The following CNTN4 variants were observed in gnomAD, a reference collection of about 807,000 sequenced individuals.
CNTN4 encodes contactin 4.
A neutral mutation model predicts 122.5 loss-of-function variants in CNTN4; 77 were observed. That is an observed-to-expected ratio of 0.63 (90% CI 0.52 to 0.76). CNTN4 has a LOEUF of 0.76. Ranked by LOEUF, CNTN4 falls within the 30% of genes least tolerant of loss-of-function variation. CNTN4 has a pLI of 0.00. For missense variants in CNTN4, 1,256 were observed against 1,259.1 expected (o/e 1.00, Z 0.04); for synonymous variants, 512 against 447.0 (o/e 1.15, Z -1.83).
intron 4 of CNTN4, among the ~76,000 whole-genome samples, chr3:2,680,739 G>T (rs1181892673): frequency 6.6e-6 from 1 of 152,094 alleles, no homozygotes; most frequent in Non-Finnish European, 1.5e-5. Context: ...TGCTTGGATT[G>T]CAGTGTATAT....
chr3:2,961,534 T>C (rs569495085), intron 13 of CNTN4, among the ~76,000 whole-genome samples: 1 of 152,156 alleles, frequency 6.6e-6, no homozygotes, highest in Admixed American at 6.5e-5. Flanking sequence ...CTTGAGAGCA[T>C]ACCTTACATA....
intron 3 of CNTN4, among the ~76,000 whole-genome samples, chr3:2,469,764 C>G (rs1169164782): frequency 6.6e-6 from 1 of 152,188 alleles, no homozygotes; most frequent in Admixed American, 6.5e-5. Flanking sequence ...GTGATGGGCT[C>G]AGTATAAAAA....
intron 13 of CNTN4, among the ~76,000 whole-genome samples, chr3:2,986,236 T>C (rs1577512349): frequency 1.3e-5 from 2 of 152,160 alleles, no homozygotes; most frequent in East Asian, 3.9e-4. Flanking sequence ...ATTTTAAAGA[T>C]GAAAGAGAAC....
intron 4 of CNTN4, among the ~76,000 whole-genome samples, chr3:2,695,667 G>A (rs2085989297): frequency 6.6e-6 from 1 of 152,168 alleles, no homozygotes; most frequent in South Asian, 2.1e-4. Context: ...TTGTCCTAAA[G>A]TATATACATG....
In CNTN4 at chr3:2,729,984, A is replaced by G. The variant is rs559860254; in HGVS notation, c.56-6231A>G. Among the ~76,000 whole-genome samples the G allele has an allele frequency of 1.2e-4, 19 of 152,316 alleles. No homozygotes were observed. In the South Asian group the frequency reaches 3.9e-3, roughly 32 times the overall value. On this transcript the variant is annotated intron_variant, in intron 4 of 24. Coordinates refer to ENST00000418658, the MANE Select transcript of CNTN4 (RefSeq NM_175607.3). ...ATGCTTGCTCAAATGCTGTTTTCTG[A>G]GTCCTGATAATTAGAATCCAGTAGG...
rs5017184 is a variant in CNTN4, at chr3:2,170,305, C to A, written c.-145+69666C>A. Among the ~76,000 whole-genome samples the A allele has an allele frequency of 4.0e-5, 6 of 151,052 alleles. No individual in the cohort carries two copies. The East Asian group carries it at 9.7e-4, about 24-fold the overall frequency. ...ACCGCACTCCAGCCTGGGCGACACA[C>A]CAAGACTCCGTCTCAAAACAAAAAA... On this transcript the variant is annotated intron_variant, in intron 2 of 24. Coordinates refer to ENST00000418658, the MANE Select transcript of CNTN4 (RefSeq NM_175607.3).
At chr3:2,629,670 T>C (rs1029466313) in intron 4 of CNTN4, 31 of 362,030 alleles carry the variant, frequency 8.6e-5, no homozygotes, top group Non-Finnish European at 1.4e-4. Flanking sequence ...TGTAGGCCAC[T>C]AATATTCCTG....
intron 2 of CNTN4, among the ~76,000 whole-genome samples, chr3:2,286,100 TTC>T (rs1344612282): frequency 1.3e-5 from 2 of 152,010 alleles, no homozygotes; most frequent in East Asian, 1.9e-4. Context: ...GGCTTTTTTA[TTC>T]TGTTTCCCAT....
At chr3:2,632,067 C>CACAT (rs1172284569) in intron 4 of CNTN4, among the ~76,000 whole-genome samples, 1 of 144,836 alleles carries the variant, frequency 6.9e-6, no homozygotes, top group East Asian at 2.0e-4. Context: ...CACATACGCA[C>CACAT]ACACACACAC....
chr3:2,788,535 T>C (rs1336619572), intron 6 of CNTN4, among the ~76,000 whole-genome samples: 1 of 152,242 alleles, frequency 6.6e-6, no homozygotes, highest in Admixed American at 6.5e-5. Flanking sequence ...ATCTATGATA[T>C]GATAATTTTT....
intron 3 of CNTN4, among the ~76,000 whole-genome samples, chr3:2,411,768 G>C (rs773359224): frequency 1.3e-5 from 2 of 151,856 alleles, no homozygotes; most frequent in Non-Finnish European, 2.9e-5. Flanking sequence ...TCAAATTTTT[G>C]TGCCTTTTTG....
chr3:2,542,969 C>A (rs1372150306), intron 3 of CNTN4, among the ~76,000 whole-genome samples: 3 of 151,982 alleles, frequency 2.0e-5, no homozygotes, highest in Non-Finnish European at 4.4e-5. Flanking sequence ...TGAACATGCA[C>A]TAATAGAATA....
chr3:2,349,239 C>T lies in CNTN4; in HGVS notation c.-89+10006C>T, dbSNP rs1310043465. On this transcript the variant is annotated intron_variant, in intron 3 of 24. Transcript: ENST00000418658. ...TTAATATTAACAAAGTGCTTGTTGA[C>T]GTATTTTTTTTTTCACATGACCTTC... 4.0e-5 allele frequency among the ~76,000 whole-genome samples: 6 copies of T among 148,512 alleles called. No individual in the cohort carries two copies. In the East Asian group the frequency reaches 9.7e-4, roughly 24 times the overall value.
At chr3:2,607,388 A>G (rs2081301195) in intron 4 of CNTN4, among the ~76,000 whole-genome samples, 2 of 152,166 alleles carry the variant, frequency 1.3e-5, no homozygotes, top group South Asian at 2.1e-4. Context: ...GAAGCAACCT[A>G]ACTGTCCATA....
intron 13 of CNTN4, among the ~76,000 whole-genome samples, chr3:2,984,458 A>T (rs1694363532): frequency 6.6e-6 from 1 of 152,204 alleles, no homozygotes; most frequent in Non-Finnish European, 1.5e-5. Context: ...GGTATAGGCC[A>T]GGGATGGTGC....
chr3:2,188,515 TC>T (rs2149322148), intron 2 of CNTN4, among the ~76,000 whole-genome samples: 1 of 152,276 alleles, frequency 6.6e-6, no homozygotes, highest in South Asian at 2.1e-4. Context: ...GTAAATAAAG[TC>T]CAGAAACCTT....
At chr3:2,682,410 T>A (rs1559382882) in intron 4 of CNTN4, among the ~76,000 whole-genome samples, 2 of 152,150 alleles carry the variant, frequency 1.3e-5, no homozygotes, top group Non-Finnish European at 2.9e-5. Flanking sequence ...CCTTTAGTCA[T>A]GTGATGAAAA....
intron 6 of CNTN4, among the ~76,000 whole-genome samples, chr3:2,788,346 G>A (rs1386179612): frequency 2.0e-5 from 3 of 152,020 alleles, no homozygotes; most frequent in African/African-American, 7.3e-5. Flanking sequence ...ATATAATTTG[G>A]AATTATTTAA....
At chr3:3,039,975 A>T in intron 19 of CNTN4, 62 bp from the exon 20 acceptor site, 1 of 1,197,742 alleles carries the variant, frequency 8.3e-7, no homozygotes, top group Non-Finnish European at 1.2e-6. Context: ...GGAAACAAAA[A>T]CGATTTTTGC....
Sources: allele counts gnomAD v4.1 joint callset (sites outside exome capture counted in the v4.1 genomes callset), GRCh38; gene constraint gnomAD v4.1.1; transcripts MANE v1.5; gene names NCBI Gene and HGNC (gene_info 2026-07-23, HGNC 2026-07-21).